Variants in ARID1A observed in about 807,000 individuals in gnomAD.
The protein encoded by ARID1A is AT-rich interactive domain-containing protein 1A.
Under a neutral mutation model 212.6 loss-of-function variants are expected in ARID1A, and 20 were observed. That is an observed-to-expected ratio of 0.09 (90% CI 0.07 to 0.14). ARID1A has a LOEUF of 0.14. ARID1A is among the 10% of genes least tolerant of loss of function. ARID1A has a pLI of 1.00. For missense variants in ARID1A, 2,587 were observed against 3,059.0 expected (o/e 0.85, Z 3.64); for synonymous variants, 1,376 against 1,222.1 (o/e 1.13, Z -2.63).
Position 26,781,187 on chromosome 1 carries a change from AAATTCTG to A in ARID1A, c.*434_*440del, listed in dbSNP as rs2081191516. ...AAAAAAAAAAAAAAAATACAAAAAAAAATTCTGAAGGACAAAAAAGGTGACTGCTGAA... is the reference window on the plus strand; with the variant it reads ...AAAAAAAAAAAAAAAATACAAAAAAAAAGGACAAAAAAGGTGACTGCTGAA... On this transcript the variant is annotated 3_prime_UTR_variant, in exon 20 of 20. Coordinates refer to ENST00000324856, the MANE Select transcript of ARID1A (RefSeq NM_006015.6). 2.5e-5 allele frequency: 6 copies of A among 240,450 alleles called. No homozygotes were observed. Among genetic ancestry groups the A allele is most frequent in the Admixed American group, 1.6e-4 (3 of 18,278 alleles). 14.9% of individuals were successfully genotyped at this position (240,450 alleles called of 1,614,324 possible). A position where few individuals can be genotyped will look rare whatever the true frequency, so the allele number is the denominator to read the frequency against.
intron 11 of ARID1A, chr1:26,769,179 G>A (rs1167728948): frequency 6.6e-6 from 1 of 152,218 alleles, no homozygotes; most frequent in Non-Finnish European, 1.5e-5. Flanking sequence ...TGTCTATAGG[G>A]AAAGGGAGCA....
At position 26,774,063 on chromosome 1, in the gene ARID1A, T is replaced by C; in HGVS notation, c.4101+165T>C. ...CCTGAAGAGCCACGTCCTCAATCTC[T>C]TCTCTATTTGGAGTTGGAAGGGGCT... On this transcript the variant is annotated intron_variant, in intron 17 of 19. Transcript: ENST00000324856. This position sits in a 1 kb window ranked among gnomAD's most constrained non-coding sequence, Gnocchi z 5.6. The C allele has an allele frequency of 2.8e-6, 3 of 1,085,412 alleles. No individual in the cohort carries two copies. Among genetic ancestry groups the C allele is most frequent in the Non-Finnish European group, 3.9e-6 (3 of 764,890 alleles). 67.2% of individuals were successfully genotyped at this position (1,085,412 alleles called of 1,614,324 possible).
In ARID1A at chr1:26,697,216, C is replaced by T. The variant is rs2080276525; in HGVS notation, c.813C>T (p.Phe271=). 12 of 1,392,344 alleles carry T rather than the reference C, an allele frequency of 8.6e-6. No individual in the cohort carries two copies. The highest frequency in any genetic ancestry group is 1.5e-5 in the African/African-American group (1 of 65,800). The allele number at this position is 1,392,344 out of a possible 1,614,324, so 86.2% of individuals were successfully genotyped here. The change falls in exon 1 of 20, where the codon TTC becomes TTT. Residue 271 remains phenylalanine (F), a synonymous_variant. Coordinates refer to ENST00000324856, the MANE Select transcript of ARID1A (RefSeq NM_006015.6). ...CTTCGTCCTTCGCTCAGCAGCGCTT[C>T]GGGGCCATGGGGGGAGGCGGCCCCT... is the stretch of plus-strand genomic sequence containing the variant. ...SSSSSFAQQR[F]GAMGGGGPSA...
At chr1:26,716,933 C>G (rs1010834348) in intron 1 of ARID1A, among the ~76,000 whole-genome samples, 1 of 152,128 alleles carries the variant, frequency 6.6e-6, no homozygotes, top group Non-Finnish European at 1.5e-5. Flanking sequence ...GCCAGGAAGG[C>G]TCTTCTTTTT....
intron 1 of ARID1A, among the ~76,000 whole-genome samples, chr1:26,718,658 C>T (rs75753769): frequency 9.9e-5 from 15 of 152,190 alleles, no homozygotes; most frequent in South Asian, 4.1e-4. Flanking sequence ...CCTCATACAA[C>T]GTAGATATTA....
intron 4 of ARID1A, among the ~76,000 whole-genome samples, chr1:26,759,745 C>T (rs886446210): frequency 6.6e-6 from 1 of 152,116 alleles, no homozygotes; most frequent in African/African-American, 2.4e-5. Flanking sequence ...TGAAGACAAG[C>T]AAAGCCTACA....
chr1:26,747,171 G>T (rs1315983835), intron 4 of ARID1A, among the ~76,000 whole-genome samples: 1 of 152,120 alleles, frequency 6.6e-6, no homozygotes, highest in Non-Finnish European at 1.5e-5. Flanking sequence ...TATGTATTCT[G>T]TTGCCATCCC....
At chr1:26,726,523 C>G (rs2080621047) in intron 1 of ARID1A, among the ~76,000 whole-genome samples, 1 of 152,184 alleles carries the variant, frequency 6.6e-6, no homozygotes, top group Admixed American at 6.5e-5. Flanking sequence ...TCTCATCCTT[C>G]TTTCTCATCT....
rs1570553909 is a variant in ARID1A, at chr1:26,709,490, G to C, written c.1137+11950G>C. Among the ~76,000 whole-genome samples, 4 of 152,080 alleles carry C rather than the reference G, an allele frequency of 2.6e-5. 1 individual carries two copies. The South Asian group carries it at 8.3e-4, about 32-fold the overall frequency. On this transcript the variant is annotated intron_variant, in intron 1 of 19. Transcript: ENST00000324856. ...CATGGAAGTTCTCAACAGCACCCCC[G>C]ACCCAGGACCCCAGGTTCCCACTGG...
In ARID1A at chr1:26,696,951, C is replaced by G. The variant is rs771692088; in HGVS notation, c.548C>G (p.Ala183Gly). The G allele has an allele frequency of 1.4e-6, 2 of 1,461,298 alleles. No homozygotes were observed. The highest frequency in any genetic ancestry group is 1.8e-6 in the Non-Finnish European group (2 of 1,113,412). The allele number at this position is 1,461,298 out of a possible 1,614,324, so 90.5% of individuals were successfully genotyped here. Reference protein sequence around the residue: ...HGGQQSPGLAALQSGGGGGLE... With the variant: ...HGGQQSPGLAGLQSGGGGGLE... ...GGACAACAAAGCCCTGGCCTGGCAG[C>G]GCTGCAGAGCGGCGGCGGCGGGGGC... The change falls in exon 1 of 20, where the codon GCG (alanine) becomes GGG (glycine). Residue 183 changes from alanine (A) to glycine (G), a missense_variant. By Grantham distance (60) the Ala-to-Gly change is moderately conservative. Coordinates refer to ENST00000324856, the MANE Select transcript of ARID1A (RefSeq NM_006015.6).
At chr1:26,732,591 C>G in intron 3 of ARID1A, 85 bp from the exon 4 acceptor site, 4 of 1,072,288 alleles carry the variant, frequency 3.7e-6, no homozygotes, top group Non-Finnish European at 4.3e-6. Context: ...TCATGAGAGA[C>G]AGTCCCATAA....
chr1:26,773,774 T>A (rs2081107223), intron 16 of ARID1A, 28 bp from the exon 17 acceptor site: 1 of 1,614,058 alleles, frequency 6.2e-7, no homozygotes, highest in Admixed American at 1.7e-5. Context: ...CTGCCCACCC[T>A]AATCCTGTGT....
chr1:26,766,657 G>A, intron 10 of ARID1A, 91 bp downstream of exon 10: 1 of 1,304,382 alleles, frequency 7.7e-7, no homozygotes, highest in Non-Finnish European at 1.1e-6. Context: ...CAAGATCCCA[G>A]CCTTTTATGA....
chr1:26,763,483 A>C (rs2081011227), intron 8 of ARID1A, among the ~76,000 whole-genome samples, 198 bp downstream of exon 8: 1 of 152,200 alleles, frequency 6.6e-6, no homozygotes, highest in South Asian at 2.1e-4. Flanking sequence ...TATAAAAGAC[A>C]GGTTTTTGGC....
chr1:26,701,020 A>AT (rs1234059112), intron 1 of ARID1A, among the ~76,000 whole-genome samples: 1 of 152,214 alleles, frequency 6.6e-6, no homozygotes, highest in African/African-American at 2.4e-5. Flanking sequence ...ATGAGTAACC[A>AT]TGACAAGCAG....
intron 17 of ARID1A, 41 bp downstream of exon 17, chr1:26,773,939 C>T (rs2124115676): frequency 6.3e-7 from 1 of 1,590,978 alleles, no homozygotes; most frequent in Non-Finnish European, 8.6e-7. Flanking sequence ...TGCAGGTTCG[C>T]CTTGAAAACT....
chr1:26,764,036 T>C (rs1396104915), intron 8 of ARID1A, among the ~76,000 whole-genome samples: 1 of 152,196 alleles, frequency 6.6e-6, no homozygotes, highest in East Asian at 1.9e-4. Context: ...ATGGCACACT[T>C]TCAGCTCACT....
chr1:26,773,136 C>T (rs1484205647), intron 14 of ARID1A, 149 bp downstream of exon 14: 16 of 1,279,796 alleles, frequency 1.3e-5, no homozygotes, highest in Non-Finnish European at 1.5e-5. Context: ...TCATCCTTAC[C>T]TCCTTTCTTG....
chr1:26,751,214 C>T (rs2080882183), intron 4 of ARID1A, among the ~76,000 whole-genome samples: 1 of 151,822 alleles, frequency 6.6e-6, no homozygotes. Context: ...GAGATTGCAC[C>T]ACTGCACTCC....
Sources: allele counts gnomAD v4.1 joint callset (sites outside exome capture counted in the v4.1 genomes callset), GRCh38; gene constraint gnomAD v4.1.1; non-coding constraint Gnocchi (gnomAD v3.1); transcripts MANE v1.5; gene names NCBI Gene and HGNC (gene_info 2026-07-23, HGNC 2026-07-21).